NDUFS1: variants seen among roughly 807,000 people sequenced by gnomAD.
NDUFS1 encodes the protein NADH:ubiquinone oxidoreductase core subunit S1, also known as NADH-ubiquinone oxidoreductase 75 kDa subunit, mitochondrial.
NDUFS1 carries 61 observed loss-of-function variants against 84.4 expected under a neutral mutation model. That is an observed-to-expected ratio of 0.72 (90% confidence interval 0.59 to 0.89). The LOEUF (loss-of-function observed/expected upper bound fraction) is 0.89, where lower values mean the gene tolerates loss of function less well. NDUFS1 is among the 40% of genes least tolerant of loss of function. The pLI is 0.00. For synonymous variants in NDUFS1, 275 were observed against 290.0 expected (o/e 0.95, Z 0.53); for missense variants, 891 against 890.0 (o/e 1.00, Z -0.01).
rs186046017 is a variant in NDUFS1, at chr2:206,122,240, G to A, written c.*1945C>T. ...TCTTCCTGCCTTGAACCCCCAAAAT[G>A]CTGGGCTTACAGGTGTGAGCCACTG... is the stretch of plus-strand genomic sequence containing the variant. On this transcript the variant is annotated 3_prime_UTR_variant, in exon 19 of 19. Transcript: ENST00000233190. 6.6e-6 allele frequency: 1 copy of A among 150,942 alleles called. No individual in the cohort carries two copies. The highest frequency in any genetic ancestry group is 2.0e-4 in the East Asian group (1 of 4,930). The allele number at this position is 150,942 out of a possible 1,614,324, so 9.4% of individuals were successfully genotyped here.
At position 206,135,674 on chromosome 2, in the gene NDUFS1, C is replaced by CA. The variant is rs1464089958; in HGVS notation, c.1393-2570dup. Among the ~76,000 whole-genome samples, 169 of 136,292 alleles carry CA rather than the reference C, an allele frequency of 1.2e-3. 1 individual carries two copies. Among genetic ancestry groups the CA allele is most frequent in the South Asian group, 2.1e-3 (9 of 4,296 alleles). The allele number at this position is 136,292 out of a possible 152,430, so 89.4% of individuals were successfully genotyped here. On this transcript the variant is annotated intron_variant, in intron 13 of 18. Coordinates refer to ENST00000233190, the MANE Select transcript of NDUFS1 (RefSeq NM_005006.7). ...CTGGGGACACAGCAAGACTCTGTCTCAAAAAAAAAAGAAAAAAGAAAAAAA... is the reference window on the plus strand; with the variant it reads ...CTGGGGACACAGCAAGACTCTGTCTCAAAAAAAAAAAGAAAAAAGAAAAAAA...
intron 15 of NDUFS1, 75 bp from the exon 16 acceptor site, chr2:206,128,047 T>C: frequency 6.8e-7 from 1 of 1,467,404 alleles, no homozygotes; most frequent in Non-Finnish European, 9.4e-7. Context: ...AGATAGTATA[T>C]ATCATTTTAA....
Position 206,130,179 on chromosome 2 carries a change from C to G in NDUFS1, c.1617G>C (p.Lys539Asn), listed in dbSNP as rs1300777671. ...GGAGAAACAGCACCTTGGGAGGGTT[C>G]TTCCGAATTGCTTCCACCCCAGGCT... ...GYKPGVEAIR[K>N]NPPKVLFLLG... The change falls in exon 15 of 19, where the codon AAG (lysine) becomes AAC (asparagine). Residue 539 changes from lysine (K) to asparagine (N), a missense_variant. Transcript: ENST00000233190. The G allele has an allele frequency of 6.2e-7, 1 of 1,614,206 alleles. No homozygotes were observed. The highest frequency in any genetic ancestry group is 8.5e-7 in the Non-Finnish European group (1 of 1,180,042).
rs756632601 is a variant in NDUFS1 at position 206,152,509 on chromosome 2, A to G, written c.63T>C (p.Val21=). The G allele has an allele frequency of 7.4e-6, 12 of 1,613,628 alleles. No homozygotes were observed. In the East Asian group the frequency reaches 2.2e-4, roughly 30 times the overall value. The change falls in exon 3 of 19, where the codon GTT becomes GTC. Residue 21 remains valine (V), a splice_region_variant and synonymous_variant. Transcript: ENST00000233190. ...TGCTTGCTGCTGTGGCAGTTGTTCG[A>G]ACTGACCATCAAAGATATTGAAGCG... ...VGLSKSPKGC[V]RTTATAASNL...
chr2:206,117,368 G>A lies in NDUFS1; in HGVS notation c.*6817C>T, dbSNP rs1690976405. 6.6e-6 allele frequency: 1 copy of A among 152,218 alleles called. No individual in the cohort carries two copies. The highest frequency in any genetic ancestry group is 2.1e-4 in the South Asian group (1 of 4,826). The allele number at this position is 152,218 out of a possible 1,614,324, so 9.4% of individuals were successfully genotyped here. ...TACTGTTAGCTTCTTGAGGACATTA[G>A]CTAAATTGTATTTCTCTTTGTAGTC... On this transcript the variant is annotated 3_prime_UTR_variant, in exon 19 of 19. Coordinates refer to ENST00000233190, the MANE Select transcript of NDUFS1 (RefSeq NM_005006.7).
At chr2:206,130,056 CTT>C (rs1575951120) in intron 15 of NDUFS1, 30 bp downstream of exon 15, 2 of 1,612,114 alleles carry the variant, frequency 1.2e-6, no homozygotes, top group African/African-American at 1.3e-5. Flanking sequence ...GTACTACTCT[CTT>C]TTGTTTCTGG....
chr2:206,132,106 C>A (rs997665219), intron 14 of NDUFS1, among the ~76,000 whole-genome samples: 6 of 151,340 alleles, frequency 4.0e-5, no homozygotes, highest in Admixed American at 3.3e-4. Context: ...GATTGGGCAA[C>A]AGAGTGAGAC....
chr2:206,128,811 A>G (rs1691395565), intron 15 of NDUFS1, among the ~76,000 whole-genome samples: 1 of 152,014 alleles, frequency 6.6e-6, no homozygotes, highest in East Asian at 1.9e-4. Flanking sequence ...TAAAGAAAAA[A>G]AAGTATCTTC....
chr2:206,120,656 G>T lies in NDUFS1; in HGVS notation c.*3529C>A, dbSNP rs115072910. 949 of 152,442 alleles carry T rather than the reference G, an allele frequency of 6.2e-3. 10 individuals carry two copies. The highest frequency in any genetic ancestry group is 0.022 in the African/African-American group (916 of 41,552). 9.4% of individuals were successfully genotyped at this position (152,442 alleles called of 1,614,324 possible). A position where few individuals can be genotyped will look rare whatever the true frequency, so the allele number is the denominator to read the frequency against. On this transcript the variant is annotated 3_prime_UTR_variant, in exon 19 of 19. Coordinates refer to ENST00000233190, the MANE Select transcript of NDUFS1 (RefSeq NM_005006.7). ...CAGCAAAGCATTCAAGATGTGGCCT[G>T]GCTGATGCTAGCAGCCTACAATCAG...
intron 10 of NDUFS1, among the ~76,000 whole-genome samples, chr2:206,143,672 A>C (rs1361585743): frequency 6.6e-6 from 1 of 151,758 alleles, no homozygotes; most frequent in Non-Finnish European, 1.5e-5. Flanking sequence ...ACCTCCAAGG[A>C]AGGCATCTTG....
chr2:206,146,153 T>C (rs528642776), intron 8 of NDUFS1, among the ~76,000 whole-genome samples: 1 of 152,304 alleles, frequency 6.6e-6, no homozygotes, highest in South Asian at 2.1e-4. Flanking sequence ...AGTACAATTA[T>C]ACCTGACTAC....
At chr2:206,146,688 G>T (rs770848278) in intron 8 of NDUFS1, among the ~76,000 whole-genome samples, 18 of 152,148 alleles carry the variant, frequency 1.2e-4, no homozygotes, top group Non-Finnish European at 1.9e-4. Flanking sequence ...TTTTGTGGTT[G>T]AGTACTTTAG....
chr2:206,151,147 T>C (rs1455650418), intron 3 of NDUFS1, among the ~76,000 whole-genome samples: 1 of 152,164 alleles, frequency 6.6e-6, no homozygotes, highest in Non-Finnish European at 1.5e-5. Context: ...CAAATGATCA[T>C]CCTCTACAGT....
At chr2:206,147,335 T>C (rs996522887) in intron 7 of NDUFS1, among the ~76,000 whole-genome samples, 196 bp downstream of exon 7, 3 of 152,210 alleles carry the variant, frequency 2.0e-5, no homozygotes, top group African/African-American at 7.2e-5. Flanking sequence ...CAAATGCTTA[T>C]AGATTTTAAT....
In NDUFS1 at chr2:206,123,035, T is replaced by C. The variant is rs1691149247; in HGVS notation, c.*1150A>G. ...CAGGTGTAAGCCACCACACCCAACCTTAGATTAAAAAAAAAAATTATCTAT... is the reference window on the plus strand; with the variant it reads ...CAGGTGTAAGCCACCACACCCAACCCTAGATTAAAAAAAAAAATTATCTAT... On this transcript the variant is annotated 3_prime_UTR_variant, in exon 19 of 19. Coordinates refer to ENST00000233190, the MANE Select transcript of NDUFS1 (RefSeq NM_005006.7). The C allele has an allele frequency of 6.6e-6, 1 of 152,064 alleles. No homozygotes were observed. Among genetic ancestry groups the C allele is most frequent in the Non-Finnish European group, 1.5e-5 (1 of 68,006 alleles). The allele number at this position is 152,064 out of a possible 1,614,324, so 9.4% of individuals were successfully genotyped here. A position where few individuals can be genotyped will look rare whatever the true frequency, so the allele number is the denominator to read the frequency against.
rs906676893 is a variant in NDUFS1, at chr2:206,146,974, G to C, written c.666C>G (p.Ile222Met). The C allele has an allele frequency of 6.2e-7, 1 of 1,614,082 alleles. No homozygotes were observed. The highest frequency in any genetic ancestry group is 8.5e-7 in the Non-Finnish European group (1 of 1,179,962). ...KMFMSELSGN[I>M]IDICPVGALT... ...GGGCACCTACAGGGCAGATATCAAT[G>C]ATATTCCCAGACAGTTCAGACATGA... The change falls in exon 8 of 19, where the codon ATC becomes ATG. Residue 222 changes from isoleucine to methionine, a missense_variant. Transcript: ENST00000233190.
At position 206,139,989 on chromosome 2, in the gene NDUFS1, G is replaced by GA. The variant is rs370165912; in HGVS notation, c.1263-1376dup. On this transcript the variant is annotated intron_variant, in intron 12 of 18. Coordinates refer to ENST00000233190, the MANE Select transcript of NDUFS1 (RefSeq NM_005006.7). Reference sequence around the variant, plus strand: ...AAAAAATTGCTATAAAAGAAATTATGAAAAAAAAAATCAATGAAATTTAAA... The same window carrying GA: ...AAAAAATTGCTATAAAAGAAATTATGAAAAAAAAAAATCAATGAAATTTAAA... Among the ~76,000 whole-genome samples the GA allele has an allele frequency of 9.5e-3, 1,403 of 147,608 alleles. 14 individuals carry two copies. The highest frequency in any genetic ancestry group is 0.016 in the Non-Finnish European group (1,043 of 66,756).
At chr2:206,142,220 A>AT (rs957209817) in intron 11 of NDUFS1, 151 bp from the exon 12 acceptor site, 83 of 730,346 alleles carry the variant, frequency 1.1e-4, no homozygotes, top group African/African-American at 4.8e-4. Context: ...TCAGATACTT[A>AT]TTTTTTTTCT....
At position 206,130,250 on chromosome 2, in the gene NDUFS1, G is replaced by A. The variant is rs1178699464; in HGVS notation, c.1554-8C>T. ...GCTACTTGACTTGCAATCCTGCAAA[G>A]CAATTATGGAATTTTACCATAACTG... is the stretch of plus-strand genomic sequence containing the variant. On this transcript the variant is annotated splice_region_variant and splice_polypyrimidine_tract_variant and intron_variant, in intron 14 of 18. Coordinates refer to ENST00000233190, the MANE Select transcript of NDUFS1 (RefSeq NM_005006.7). 1 of 1,614,028 alleles carries A rather than the reference G, an allele frequency of 6.2e-7. No homozygotes were observed. Among genetic ancestry groups the A allele is most frequent in the Non-Finnish European group, 8.5e-7 (1 of 1,179,982 alleles).
Sources: allele counts gnomAD v4.1 joint callset (sites outside exome capture counted in the v4.1 genomes callset), GRCh38; gene constraint gnomAD v4.1.1; transcripts MANE v1.5; gene names NCBI Gene and HGNC (gene_info 2026-07-23, HGNC 2026-07-21).